The following SEPTIN7 variants were observed in gnomAD, a reference collection of about 807,000 sequenced individuals.
SEPTIN7 encodes the protein septin-7.
Under a neutral mutation model 63.3 loss-of-function variants are expected in SEPTIN7, and 10 were observed. That is an observed-to-expected ratio of 0.16 (90% confidence interval 0.10 to 0.27). The LOEUF is 0.27. SEPTIN7 is among the 10% of genes least tolerant of loss of function. The pLI is 1.00. For missense variants in SEPTIN7, 310 were observed against 521.0 expected (o/e 0.59, Z 3.94); for synonymous variants, 131 against 165.3 (o/e 0.79, Z 1.59).
intron 3 of SEPTIN7, among the ~76,000 whole-genome samples, chr7:35,855,164 A>G (rs567024929): frequency 1.3e-5 from 2 of 152,280 alleles, no homozygotes; most frequent in African/African-American, 4.8e-5. Context: ...GTACCATGCT[A>G]TAAGTACTAT....
At chr7:35,854,370 A>C (rs978929565) in intron 3 of SEPTIN7, among the ~76,000 whole-genome samples, 4 of 152,208 alleles carry the variant, frequency 2.6e-5, no homozygotes, top group Non-Finnish European at 5.9e-5. Flanking sequence ...ATTTTGAAAA[A>C]TGCCCCCCAG....
At chr7:35,839,383 T>C (rs1784290548) in intron 3 of SEPTIN7, among the ~76,000 whole-genome samples, 1 of 152,234 alleles carries the variant, frequency 6.6e-6, no homozygotes, top group South Asian at 2.1e-4. Flanking sequence ...GACATTTGAA[T>C]GATTTGTTTT....
intron 1 of SEPTIN7, among the ~76,000 whole-genome samples, chr7:35,822,401 G>C (rs1407952883): frequency 6.6e-6 from 1 of 151,964 alleles, no homozygotes; most frequent in African/African-American, 2.4e-5. Flanking sequence ...AAGAGATGAG[G>C]TTCTATCTAG....
intron 3 of SEPTIN7, among the ~76,000 whole-genome samples, chr7:35,839,044 C>A (rs1784274846): frequency 6.6e-6 from 1 of 152,086 alleles, no homozygotes; most frequent in Non-Finnish European, 1.5e-5. Flanking sequence ...AGGAAGATTA[C>A]CAGAGTTTAT....
At chr7:35,809,931 AG>A (rs1788587704) in intron 1 of SEPTIN7, among the ~76,000 whole-genome samples, 1 of 152,172 alleles carries the variant, frequency 6.6e-6, no homozygotes, top group Non-Finnish European at 1.5e-5. Context: ...GCAATGGGAA[AG>A]GACATGAGGG....
chr7:35,907,369 C>G (rs1788649135), downstream of SEPTIN7, among the ~76,000 whole-genome samples: 4 of 152,234 alleles, frequency 2.6e-5, no homozygotes, highest in Admixed American at 2.0e-4. Context: ...CTGTCCTGTT[C>G]CAGATGGTAA....
At chr7:35,908,662 A>G (rs1034589038), downstream of SEPTIN7, among the ~76,000 whole-genome samples, 6 of 152,206 alleles carry the variant, frequency 3.9e-5, no homozygotes, top group Admixed American at 1.3e-4. Context: ...GTAGTCAGAC[A>G]CTACCAACAA....
intron 8 of SEPTIN7, 104 bp from the exon 9 acceptor site, chr7:35,883,787 T>A (rs1256850130): frequency 5.2e-6 from 1 of 191,828 alleles, no homozygotes; most frequent in East Asian, 1.2e-4. Flanking sequence ...CGAAAGTAAA[T>A]TTTTTTTTTT....
chr7:35,805,927 C>G (rs1347532920), intron 1 of SEPTIN7, among the ~76,000 whole-genome samples: 2 of 152,156 alleles, frequency 1.3e-5, no homozygotes, highest in Non-Finnish European at 2.9e-5. Context: ...AGGTGAGGCT[C>G]CAGGTCAGAG....
At chr7:35,807,554 G>A (rs1333944607) in intron 1 of SEPTIN7, among the ~76,000 whole-genome samples, 2 of 151,746 alleles carry the variant, frequency 1.3e-5, no homozygotes, top group African/African-American at 4.8e-5. Flanking sequence ...TAGTAGAGAC[G>A]GGGTTTCACT....
chr7:35,808,914 T>C (rs1788526230), intron 1 of SEPTIN7, among the ~76,000 whole-genome samples: 1 of 152,214 alleles, frequency 6.6e-6, no homozygotes, highest in Non-Finnish European at 1.5e-5. Flanking sequence ...GATATTGATC[T>C]CTTCACATTT....
intron 1 of SEPTIN7, among the ~76,000 whole-genome samples, chr7:35,827,139 A>G (rs1783556594): frequency 6.6e-6 from 1 of 152,224 alleles, no homozygotes; most frequent in Non-Finnish European, 1.5e-5. Context: ...TGTAAAGCAT[A>G]TCTAGCAGAT....
intron 4 of SEPTIN7, among the ~76,000 whole-genome samples, chr7:35,867,725 CCTTT>C (rs1785902117): frequency 6.6e-6 from 1 of 152,186 alleles, no homozygotes; most frequent in Non-Finnish European, 1.5e-5. Context: ...AAGAAATTAT[CCTTT>C]CTTCTGAGAT....
intron 4 of SEPTIN7, among the ~76,000 whole-genome samples, chr7:35,866,384 A>T (rs1357789456): frequency 6.6e-6 from 1 of 152,210 alleles, no homozygotes; most frequent in Non-Finnish European, 1.5e-5. Context: ...AAACTCTCAC[A>T]GTAGAGGGGA....
the SEPTIN7 span, among the ~76,000 whole-genome samples, chr7:35,914,192 T>C: frequency 6.6e-6 from 1 of 152,344 alleles, no homozygotes; most frequent in Non-Finnish European, 1.5e-5. Context: ...TATGCTATAA[T>C]AACATTTAAA....
At chr7:35,813,188 C>T (rs750021010) in intron 1 of SEPTIN7, among the ~76,000 whole-genome samples, 1 of 152,154 alleles carries the variant, frequency 6.6e-6, no homozygotes, top group Non-Finnish European at 1.5e-5. Flanking sequence ...GGTTATGTAA[C>T]TTACCCGCCT....
At chr7:35,808,801 C>T (rs1177931732) in intron 1 of SEPTIN7, among the ~76,000 whole-genome samples, 1 of 152,190 alleles carries the variant, frequency 6.6e-6, no homozygotes, top group Non-Finnish European at 1.5e-5. Context: ...ATGGATAGAT[C>T]ATGATATGGG....
chr7:35,805,924 G>A (rs1788306015), intron 1 of SEPTIN7, among the ~76,000 whole-genome samples: 1 of 152,180 alleles, frequency 6.6e-6, no homozygotes, highest in Admixed American at 6.5e-5. Flanking sequence ...TGGAGGTGAG[G>A]CTCCAGGTCA....
In SEPTIN7 at chr7:35,821,419, G is replaced by A. The variant is rs568725704; in HGVS notation, c.62-10073G>A. On this transcript the variant is annotated intron_variant, in intron 1 of 13. Transcript: ENST00000350320. Reference sequence around the variant, plus strand: ...AGTCAATATATCATTATCTGTCCATGCATATTTTTCTAAAACCTTACTTTT... The same window carrying A: ...AGTCAATATATCATTATCTGTCCATACATATTTTTCTAAAACCTTACTTTT... Among the ~76,000 whole-genome samples, 64 of 152,168 alleles carry A rather than the reference G, an allele frequency of 4.2e-4. 1 individual carries two copies. Among genetic ancestry groups the A allele is most frequent in the African/African-American group, 1.5e-3 (63 of 41,516 alleles).
Sources: allele counts gnomAD v4.1 joint callset (sites outside exome capture counted in the v4.1 genomes callset), GRCh38; gene constraint gnomAD v4.1.1; transcripts MANE v1.5; gene names NCBI Gene and HGNC (gene_info 2026-07-23, HGNC 2026-07-21).